The following SLC24A3 variants were observed in gnomAD, a reference collection of about 807,000 sequenced individuals.
SLC24A3 encodes the protein solute carrier family 24 member 3.
Under a neutral mutation model 75.8 loss-of-function variants are expected in SLC24A3, and 28 were observed. The ratio of observed to expected loss-of-function variants is 0.37; its 90% CI spans 0.27 to 0.51. SLC24A3 has a LOEUF of 0.51. Among genes scored for constraint, SLC24A3 ranks in the 20% least tolerant of loss-of-function variants. The pLI, the probability that SLC24A3 is intolerant of heterozygous loss-of-function variation, is 0.94. For missense variants in SLC24A3, 663 were observed against 847.8 expected (o/e 0.78, Z 2.71); for synonymous variants, 372 against 334.1 (o/e 1.11, Z -1.24).
intron 2 of SLC24A3, among the ~76,000 whole-genome samples, chr20:19,371,038 G>A (rs1025584666): frequency 6.6e-6 from 1 of 152,106 alleles, no homozygotes; most frequent in Non-Finnish European, 1.5e-5. Context: ...GTCTTGGTGT[G>A]GGTCTTCCCA....
intron 3 of SLC24A3, among the ~76,000 whole-genome samples, chr20:19,540,784 A>G (rs945517178): frequency 4.6e-5 from 7 of 152,256 alleles, no homozygotes; most frequent in African/African-American, 1.7e-4. Flanking sequence ...TCGAGAGGAA[A>G]AAACCAAAAC....
At chr20:19,680,132 GTGTGTGTCTC>G (rs1406182570) in intron 9 of SLC24A3, among the ~76,000 whole-genome samples, 2 of 150,122 alleles carry the variant, frequency 1.3e-5, no homozygotes, top group African/African-American at 2.5e-5. Context: ...GTGTGTGTCT[GTGTGTGTCTC>G]TGTGTGTGTC....
rs1178091697 is a variant in SLC24A3 at position 19,654,242 on chromosome 20, G to A, written c.687+106G>A. 4.2e-6 allele frequency: 4 copies of A among 963,120 alleles called. No individual in the cohort carries two copies. In the East Asian group the frequency reaches 7.1e-5, roughly 17 times the overall value. The allele number at this position is 963,120 out of a possible 1,614,324, so 59.7% of individuals were successfully genotyped here. On this transcript the variant is annotated intron_variant, in intron 7 of 16. Transcript: ENST00000328041. ...TCACTCGAGGTCACCGGTGGCGAGT[G>A]CGAGATGCATGTCTTTGCTTGGAGG...
chr20:19,663,561 A>G (rs1470874774), intron 7 of SLC24A3, among the ~76,000 whole-genome samples: 1 of 145,880 alleles, frequency 6.9e-6, no homozygotes, highest in Non-Finnish European at 1.5e-5. Flanking sequence ...TCAAAGGGGA[A>G]ACTATATCAG....
chr20:19,385,558 G>T (rs1026168316), intron 2 of SLC24A3, among the ~76,000 whole-genome samples: 1 of 151,880 alleles, frequency 6.6e-6, no homozygotes, highest in Non-Finnish European at 1.5e-5. Flanking sequence ...GTCAGGTGGC[G>T]TGATGCCTCC....
At chr20:19,449,653 G>C (rs1987447514) in intron 2 of SLC24A3, among the ~76,000 whole-genome samples, 2 of 152,204 alleles carry the variant, frequency 1.3e-5, no homozygotes, top group Admixed American at 6.5e-5. Flanking sequence ...TGGCAGATGA[G>C]ATGAATGAGA....
At chr20:19,575,596 T>C (rs2031123627) in intron 3 of SLC24A3, among the ~76,000 whole-genome samples, 1 of 152,180 alleles carries the variant, frequency 6.6e-6, no homozygotes, top group African/African-American at 2.4e-5. Context: ...CCATCTTCTC[T>C]AAATGCCTAT....
intron 2 of SLC24A3, among the ~76,000 whole-genome samples, chr20:19,423,854 G>A (rs953658202): frequency 6.6e-6 from 1 of 152,142 alleles, no homozygotes; most frequent in Non-Finnish European, 1.5e-5. Context: ...GTAGTCAGCA[G>A]TTCATGTCCC....
At chr20:19,390,036 T>C (rs377708235) in intron 2 of SLC24A3, among the ~76,000 whole-genome samples, 10 of 152,358 alleles carry the variant, frequency 6.6e-5, no homozygotes, top group South Asian at 2.1e-4. Context: ...TCAGTCATTG[T>C]GTTCTTTAGC....
intron 2 of SLC24A3, among the ~76,000 whole-genome samples, chr20:19,444,787 AT>A (rs1987352820): frequency 1.3e-5 from 2 of 151,622 alleles, no homozygotes; most frequent in East Asian, 1.9e-4. Flanking sequence ...GATTTTATCT[AT>A]TTTTTTAACC....
chr20:19,448,764 T>C (rs1317785112), intron 2 of SLC24A3, among the ~76,000 whole-genome samples: 1 of 152,198 alleles, frequency 6.6e-6, no homozygotes, highest in East Asian at 1.9e-4. Flanking sequence ...CTTGTGCCAG[T>C]CTTCCCAGAA....
chr20:19,438,831 C>T (rs1987251758), intron 2 of SLC24A3, among the ~76,000 whole-genome samples: 2 of 152,122 alleles, frequency 1.3e-5, no homozygotes, highest in African/African-American at 4.8e-5. Context: ...AGATAGTAAG[C>T]TGCTCGTTGG....
At chr20:19,495,121 A>G (rs7363140) in intron 2 of SLC24A3, among the ~76,000 whole-genome samples, 8,908 of 152,174 alleles carry the variant, frequency 0.059, 786 homozygotes, top group African/African-American at 0.19. Context: ...TCTTGGAGTG[A>G]GGACTTAATC....
intron 6 of SLC24A3, among the ~76,000 whole-genome samples, chr20:19,589,735 G>A (rs949885247): frequency 9.2e-5 from 14 of 151,936 alleles, no homozygotes; most frequent in African/African-American, 2.2e-4. Flanking sequence ...CTTCTCTAAC[G>A]TTCAGGCACC....
At chr20:19,707,710 G>A (rs1316530103) in intron 15 of SLC24A3, among the ~76,000 whole-genome samples, 1 of 152,230 alleles carries the variant, frequency 6.6e-6, no homozygotes, top group Non-Finnish European at 1.5e-5. Context: ...AGTAACATGT[G>A]ATTCTTTGCT....
chr20:19,643,699 A>G (rs751364382), intron 6 of SLC24A3, among the ~76,000 whole-genome samples: 10 of 152,226 alleles, frequency 6.6e-5, no homozygotes, highest in Admixed American at 1.3e-4. Context: ...CATAGTCTTA[A>G]CTGTCTGATT....
intron 2 of SLC24A3, among the ~76,000 whole-genome samples, chr20:19,470,026 C>T (rs779505436): frequency 1.3e-5 from 2 of 152,186 alleles, no homozygotes; most frequent in South Asian, 2.1e-4. Flanking sequence ...TGAGAACCGC[C>T]GGCAAGCTCA....
chr20:19,628,426 A>G (rs972083855), intron 6 of SLC24A3, among the ~76,000 whole-genome samples: 2 of 152,142 alleles, frequency 1.3e-5, no homozygotes, highest in African/African-American at 2.4e-5. Flanking sequence ...TTGACAGGTT[A>G]CAGGACCCCA....
chr20:19,358,263 G>A (rs1985725443), intron 2 of SLC24A3, among the ~76,000 whole-genome samples: 1 of 152,206 alleles, frequency 6.6e-6, no homozygotes. Context: ...TGACCTTAGG[G>A]ACAGCTGCGG....
Sources: allele counts gnomAD v4.1 joint callset (sites outside exome capture counted in the v4.1 genomes callset), GRCh38; gene constraint gnomAD v4.1.1; transcripts MANE v1.5; gene names NCBI Gene and HGNC (gene_info 2026-07-23, HGNC 2026-07-21).